CELA3A: variants seen among roughly 807,000 people sequenced by gnomAD.
CELA3A encodes the protein chymotrypsin-like elastase family member 3A.
A neutral mutation model predicts 38.6 loss-of-function variants in CELA3A; 35 were observed. The ratio of observed to expected loss-of-function variants is 0.91; its 90% CI spans 0.69 to 1.20. CELA3A has a LOEUF of 1.20. Ranked by LOEUF, CELA3A falls within the 50% of genes most tolerant of loss-of-function variation. The pLI is 0.00. For synonymous variants in CELA3A, 143 were observed against 136.7 expected (o/e 1.05, Z -0.32); for missense variants, 343 against 354.2 (o/e 0.97, Z 0.25).
intron 6 of CELA3A, among the ~76,000 whole-genome samples, chr1:22,008,720 C>T (rs558502871): frequency 6.6e-5 from 10 of 150,550 alleles, no homozygotes; most frequent in Admixed American, 2.0e-4. Context: ...GATCGCGCCA[C>T]TGCACTCCAA....
At chr1:22,010,478 A>G (rs1287174341) in intron 7 of CELA3A, among the ~76,000 whole-genome samples, 1 of 150,806 alleles carries the variant, frequency 6.6e-6, no homozygotes, top group Non-Finnish European at 1.5e-5. Context: ...TTAGCCGGGC[A>G]TGGTGGTGGG....
In CELA3A at chr1:22,006,906, C is replaced by T. The variant is rs377487679; in HGVS notation, c.391C>T (p.Arg131Cys). The change falls in exon 5 of 8, where the codon CGC becomes TGC. Residue 131 changes from arginine (R) to cysteine (C), a missense_variant. Transcript: ENST00000290122. ...GNDIALIKLS[R>C]SAQLGDAVQL... ...TGACATCGCCCTCATCAAGCTCTCA[C>T]GCAGCGCCCAGCTGGGAGATGCCGT... 26 of 1,612,324 alleles carry T rather than the reference C, an allele frequency of 1.6e-5. 1 individual carries two copies. The highest frequency in any genetic ancestry group is 5.0e-5 in the Admixed American group (3 of 59,902).
chr1:22,002,858 T>A lies in CELA3A; in HGVS notation c.44-145T>A, dbSNP rs776833418. 2.1e-4 allele frequency: 144 copies of A among 700,736 alleles called. 1 individual carries two copies. The highest frequency in any genetic ancestry group is 3.0e-4 in the Non-Finnish European group (123 of 412,022). The allele number at this position is 700,736 out of a possible 1,614,324, so 43.4% of individuals were successfully genotyped here. The stretch of plus-strand genomic sequence containing the variant: ...CTCTAGTTTAAATGTTCACTGTTCA[T>A]ATGTGGTTACTGAGGTCCAGAGGGC... On this transcript the variant is annotated intron_variant, in intron 1 of 7. Coordinates refer to ENST00000290122, the MANE Select transcript of CELA3A (RefSeq NM_005747.5).
rs1404287674 is a variant in CELA3A at position 22,007,892 on chromosome 1, C to G, written c.642+377C>G. ...TTGTTCTGGGCACAGTCCCTCCTGC[C>G]TATAATCCAAGTGCTTTGGGAGGCT... On this transcript the variant is annotated intron_variant, in intron 6 of 7. Coordinates refer to ENST00000290122, the MANE Select transcript of CELA3A (RefSeq NM_005747.5). Among the ~76,000 whole-genome samples the G allele has an allele frequency of 3.3e-5, 5 of 151,158 alleles. No individual in the cohort carries two copies. In the East Asian group the frequency reaches 9.8e-4, roughly 29 times the overall value.
chr1:22,008,707 C>T (rs1478183749), intron 6 of CELA3A, among the ~76,000 whole-genome samples: 5 of 149,522 alleles, frequency 3.3e-5, no homozygotes, highest in South Asian at 2.1e-4. Flanking sequence ...TGCCGTGAGC[C>T]GAGATCGCGC....
At chr1:22,009,428 C>T (rs1374631651) in intron 6 of CELA3A, among the ~76,000 whole-genome samples, 1 of 150,702 alleles carries the variant, frequency 6.6e-6, no homozygotes, top group Non-Finnish European at 1.5e-5. Flanking sequence ...GCCTGTAATC[C>T]CAGCTACTTG....
At position 22,002,990 on chromosome 1, in the gene CELA3A, C is replaced by G. The variant is rs749906761; in HGVS notation, c.44-13C>G. 75 of 1,578,894 alleles carry G rather than the reference C, an allele frequency of 4.8e-5. 6 individuals are homozygous for G. Among genetic ancestry groups the G allele is most frequent in the Non-Finnish European group, 6.1e-5 (71 of 1,165,464 alleles). On this transcript the variant is annotated splice_polypyrimidine_tract_variant and intron_variant, in intron 1 of 7. Transcript: ENST00000290122. ...ACCCTCCAGCTGATTGACAGCTCTCCTCTCCCCTCTAGCCTCAGGCTATGG... is the reference window on the plus strand; with the variant it reads ...ACCCTCCAGCTGATTGACAGCTCTCGTCTCCCCTCTAGCCTCAGGCTATGG...
Position 22,005,527 on chromosome 1 carries a change from T to C in CELA3A, c.210T>C (p.Thr70=). 1 of 1,612,932 alleles carries C rather than the reference T, an allele frequency of 6.2e-7. No individual in the cohort carries two copies. Among genetic ancestry groups the C allele is most frequent in the Non-Finnish European group, 8.5e-7 (1 of 1,179,574 alleles). Residue 70 remains threonine (T), a synonymous_variant, in exon 3 of 8, where the codon ACT becomes ACC. Transcript: ENST00000290122. ...GSLIAPDWVV[T]AGHCISRDLT... is the part of the protein sequence containing the mutation. ...TCATCGCCCCCGATTGGGTTGTGAC[T>C]GCCGGCCACTGCATCTCGTGAGTTC... is the stretch of plus-strand genomic sequence containing the variant.
At chr1:22,003,793 C>T (rs1161980732) in intron 2 of CELA3A, among the ~76,000 whole-genome samples, 2 of 151,046 alleles carry the variant, frequency 1.3e-5, no homozygotes, top group Non-Finnish European at 2.9e-5. Context: ...GCAAACTCTG[C>T]CACCCGGGTT....
chr1:22,004,563 G>A (rs1280749100), intron 2 of CELA3A, among the ~76,000 whole-genome samples: 106 of 151,506 alleles, frequency 7.0e-4, no homozygotes, highest in Non-Finnish European at 5.0e-4. Flanking sequence ...ACTTGACTGT[G>A]CCATGGTAGC....
chr1:22,008,855 C>T (rs1167659103), intron 6 of CELA3A, among the ~76,000 whole-genome samples: 1 of 152,020 alleles, frequency 6.6e-6, no homozygotes, highest in African/African-American at 2.4e-5. Flanking sequence ...CTATGTTTAT[C>T]GAGTGCTTCT....
intron 1 of CELA3A, chr1:22,002,767 C>T (rs1644926052): frequency 1.9e-6 from 1 of 526,750 alleles, no homozygotes; most frequent in Non-Finnish European, 3.4e-6. Flanking sequence ...GCTCTTCAAT[C>T]CTCCCAATGA....
chr1:22,006,092 G>A (rs1644948546), intron 4 of CELA3A: 1 of 402,904 alleles, frequency 2.5e-6, no homozygotes, highest in Admixed American at 3.7e-5. Flanking sequence ...AGAGCTCAGG[G>A]TTCCTCTGGC....
chr1:22,003,973 G>T (rs1308516161), intron 2 of CELA3A, among the ~76,000 whole-genome samples: 1 of 150,880 alleles, frequency 6.6e-6, no homozygotes, highest in Non-Finnish European at 1.5e-5. Context: ...CAAAGTGCTG[G>T]GATTACAGGT....
At position 22,005,749 on chromosome 1, in the gene CELA3A, G is replaced by A; in HGVS notation, c.315G>A (p.Glu105=). The A allele has an allele frequency of 1.9e-6, 3 of 1,612,232 alleles. No individual in the cohort carries two copies. Among genetic ancestry groups the A allele is most frequent in the Non-Finnish European group, 2.5e-6 (3 of 1,179,462 alleles). ...AGCAGGTGATCCCCATCAACTCTGA[G>A]GAGCTGTTTGTGCATCCACTCTGGA... ...GPEQVIPINS[E]ELFVHPLWNR... is the part of the protein sequence containing the mutation. The change falls in exon 4 of 8, where the codon GAG becomes GAA. Residue 105 remains glutamate, a synonymous_variant. Coordinates refer to ENST00000290122, the MANE Select transcript of CELA3A (RefSeq NM_005747.5).
chr1:22,004,384 T>G (rs1644936634), intron 2 of CELA3A, among the ~76,000 whole-genome samples: 1 of 151,366 alleles, frequency 6.6e-6, no homozygotes, highest in Non-Finnish European at 1.5e-5. Flanking sequence ...GCTTGCCACA[T>G]TTCAAATGTT....
At chr1:22,003,886 T>G (rs1481383991) in intron 2 of CELA3A, among the ~76,000 whole-genome samples, 3 of 150,106 alleles carry the variant, frequency 2.0e-5, no homozygotes, top group Admixed American at 6.6e-5. Flanking sequence ...GTATTTTTAG[T>G]AGAGACAGGG....
At chr1:22,010,511 G>A (rs1411692398) in intron 7 of CELA3A, 2 of 225,270 alleles carry the variant, frequency 8.9e-6, no homozygotes, top group Non-Finnish European at 1.8e-5. Context: ...CAGCTGCTTG[G>A]GAGGCTCAGG....
At chr1:22,005,423 G>A (rs748891202) in intron 2 of CELA3A, 24 bp from the exon 3 acceptor site, 3 of 1,611,406 alleles carry the variant, frequency 1.9e-6, no homozygotes, top group Non-Finnish European at 1.7e-6. Flanking sequence ...AGCCCACTGA[G>A]GCCCTTTCCT....
Sources: allele counts gnomAD v4.1 joint callset (sites outside exome capture counted in the v4.1 genomes callset), GRCh38; gene constraint gnomAD v4.1.1; transcripts MANE v1.5; gene names NCBI Gene and HGNC (gene_info 2026-07-23, HGNC 2026-07-21).